Variants in TNRC6B observed in about 807,000 individuals in gnomAD.
TNRC6B encodes trinucleotide repeat containing adaptor 6B, also known as trinucleotide repeat-containing gene 6B protein.
Under a neutral mutation model 203.6 loss-of-function variants are expected in TNRC6B, and 52 were observed. The ratio of observed to expected loss-of-function variants is 0.26; its 90% confidence interval spans 0.20 to 0.32. The LOEUF is 0.32. Ranked by LOEUF, TNRC6B falls within the 10% of genes least tolerant of loss-of-function variation. The pLI, the probability that TNRC6B is intolerant of heterozygous loss-of-function variation, is 1.00. For synonymous variants in TNRC6B, 838 were observed against 845.7 expected (o/e 0.99, Z 0.16); for missense variants, 1,923 against 2,286.2 (o/e 0.84, Z 3.24).
At chr22:40,261,247 C>T (rs2070377480) in intron 3 of TNRC6B, among the ~76,000 whole-genome samples, 1 of 152,038 alleles carries the variant, frequency 6.6e-6, no homozygotes, top group African/African-American at 2.4e-5. Flanking sequence ...GATCACTGCA[C>T]TCCAGCCCGA....
intron 1 of TNRC6B, among the ~76,000 whole-genome samples, chr22:40,218,341 T>A (rs1320372956): frequency 6.9e-6 from 1 of 144,956 alleles, no homozygotes; most frequent in Non-Finnish European, 1.5e-5. Context: ...TTTTTTTTTT[T>A]TTTGAGACAG....
At chr22:40,084,780 G>C (rs554120552) in intron 1 of TNRC6B, among the ~76,000 whole-genome samples, 1 of 152,306 alleles carries the variant, frequency 6.6e-6, no homozygotes, top group East Asian at 1.9e-4. Context: ...GGGATGAAAT[G>C]AGGTTAGAGT....
chr22:40,324,748 T>TTTGC lies in TNRC6B; in HGVS notation c.*1510_*1513dup, dbSNP rs1488891365. The TTTGC allele has an allele frequency of 1.3e-5, 2 of 152,692 alleles. No homozygotes were observed. Among genetic ancestry groups the TTTGC allele is most frequent in the Non-Finnish European group, 2.9e-5 (2 of 68,042 alleles). 9.5% of individuals were successfully genotyped at this position (152,692 alleles called of 1,614,324 possible). A position where few individuals can be genotyped will look rare whatever the true frequency, so the allele number is the denominator to read the frequency against. ...GTTGTGTATTTCCTGTGTATGTGGT[T>TTTGC]TTGCTTAGGCAGGTATAACTTAGCG... On this transcript the variant is annotated 3_prime_UTR_variant, in exon 23 of 23. Coordinates refer to ENST00000454349, the MANE Select transcript of TNRC6B (RefSeq NM_001162501.2).
intron 2 of TNRC6B, among the ~76,000 whole-genome samples, chr22:40,123,919 T>C (rs1298681466): frequency 2.7e-5 from 4 of 146,454 alleles, no homozygotes; most frequent in Admixed American, 2.0e-4. Flanking sequence ...TTTGCACAAC[T>C]GTGATAAATA....
chr22:40,188,141 G>A (rs928054786), intron 1 of TNRC6B, among the ~76,000 whole-genome samples: 6 of 152,078 alleles, frequency 3.9e-5, no homozygotes, highest in African/African-American at 1.2e-4. Context: ...CCTGGGAGGC[G>A]GAGGTTGCAG....
chr22:40,216,434 G>T (rs949551956), intron 1 of TNRC6B, among the ~76,000 whole-genome samples: 2 of 152,108 alleles, frequency 1.3e-5, no homozygotes, highest in African/African-American at 2.4e-5. Context: ...GTGCCCCAGA[G>T]CTTGGCACAT....
At chr22:40,061,295 A>G (rs1601791453) in intron 1 of TNRC6B, among the ~76,000 whole-genome samples, 1 of 151,744 alleles carries the variant, frequency 6.6e-6, no homozygotes, top group South Asian at 2.1e-4. Context: ...GCTCACTGCA[A>G]CCTCCGTCTT....
intron 2 of TNRC6B, among the ~76,000 whole-genome samples, chr22:40,250,384 A>G (rs1195119724): frequency 6.6e-6 from 1 of 152,162 alleles, no homozygotes; most frequent in Non-Finnish European, 1.5e-5. Context: ...TCTGAAGTCC[A>G]TTACTATGTT....
intron 5 of TNRC6B, 129 bp downstream of exon 5, chr22:40,267,165 C>A: frequency 1.1e-6 from 1 of 910,332 alleles, no homozygotes; most frequent in Non-Finnish European, 1.6e-6. Flanking sequence ...TACTCTGTTG[C>A]TAACAGAACC....
intron 7 of TNRC6B, 22 bp downstream of exon 7, chr22:40,273,622 G>A (rs376472617): frequency 2.5e-5 from 39 of 1,543,228 alleles, no homozygotes; most frequent in African/African-American, 9.6e-5. Flanking sequence ...AGAAATGTTC[G>A]CACTTGCTCA....
intron 1 of TNRC6B, among the ~76,000 whole-genome samples, chr22:40,062,772 T>C (rs1292004248): frequency 1.3e-5 from 2 of 152,210 alleles, no homozygotes; most frequent in Admixed American, 1.3e-4. Flanking sequence ...TGGAGAAATA[T>C]CTATTCAGAT....
intron 14 of TNRC6B, 38 bp downstream of exon 14, chr22:40,301,043 G>C (rs1199008502): frequency 6.3e-7 from 1 of 1,597,752 alleles, no homozygotes; most frequent in Middle Eastern, 1.7e-4. Context: ...TGCTGTGTTG[G>C]AGGAGTACAT....
chr22:40,268,639 C>T (rs969169209), intron 5 of TNRC6B, among the ~76,000 whole-genome samples: 6 of 151,818 alleles, frequency 4.0e-5, no homozygotes, highest in Admixed American at 1.3e-4. Flanking sequence ...TGGCCAGGCG[C>T]GGTGGCTCAC....
At chr22:40,120,962 G>C (rs2068438888) in intron 2 of TNRC6B, among the ~76,000 whole-genome samples, 1 of 152,162 alleles carries the variant, frequency 6.6e-6, no homozygotes, top group Admixed American at 6.5e-5. Context: ...GGAGAGAAAA[G>C]GGCTGGACTA....
chr22:40,319,818 C>T (rs185940132), intron 21 of TNRC6B, among the ~76,000 whole-genome samples: 1 of 152,146 alleles, frequency 6.6e-6, no homozygotes, highest in Non-Finnish European at 1.5e-5. Context: ...ACTTAGAGTT[C>T]GGTACTATTG....
At chr22:40,305,536 C>A (rs1469412559) in intron 15 of TNRC6B, among the ~76,000 whole-genome samples, 1 of 152,194 alleles carries the variant, frequency 6.6e-6, no homozygotes, top group East Asian at 1.9e-4. Context: ...GAATTCCTTC[C>A]ATCAAAATGC....
At position 40,316,016 on chromosome 22, in the gene TNRC6B, AT is replaced by A. The variant is rs760056734; in HGVS notation, c.4974+6del. 6.2e-7 allele frequency: 1 copy of A among 1,613,148 alleles called. No individual in the cohort carries two copies. Among genetic ancestry groups the A allele is most frequent in the Non-Finnish European group, 8.5e-7 (1 of 1,179,272 alleles). On this transcript the variant is annotated splice_donor_5th_base_variant and intron_variant, in intron 21 of 22. Transcript: ENST00000454349. ...TCTTCACAATCTCACCCCACAGGTA[AT>A]TATGCTTTCTCGCAGTTTTCTAGAT...
chr22:40,178,392 C>G (rs1014274422), intron 1 of TNRC6B, among the ~76,000 whole-genome samples: 1 of 152,130 alleles, frequency 6.6e-6, no homozygotes, highest in Admixed American at 6.5e-5. Flanking sequence ...TTTTCATCAT[C>G]GTTTCTATCT....
intron 3 of TNRC6B, among the ~76,000 whole-genome samples, chr22:40,136,371 T>TTTGTGTG (rs150445100): frequency 1.4e-5 from 2 of 141,168 alleles, no homozygotes; most frequent in African/African-American, 5.3e-5. Flanking sequence ...TATGTTTATC[T>TTTGTGTG]TGTGTGTGTG....
Sources: allele counts gnomAD v4.1 joint callset (sites outside exome capture counted in the v4.1 genomes callset), GRCh38; gene constraint gnomAD v4.1.1; transcripts MANE v1.5; gene names NCBI Gene and HGNC (gene_info 2026-07-23, HGNC 2026-07-21).